Variants in CCDC60 observed in about 807,000 individuals in gnomAD.
CCDC60 encodes the protein coiled-coil domain containing 60, also known as coiled-coil domain-containing protein 60.
In CCDC60, 54 loss-of-function variants were observed where a neutral mutation model predicts 63.5. That is an observed-to-expected ratio of 0.85 (90% CI 0.68 to 1.07). CCDC60 has a LOEUF of 1.07. Among genes scored for constraint, CCDC60 ranks in the 50% least tolerant of loss-of-function variants. CCDC60 has a pLI of 0.00. For synonymous variants in CCDC60, 206 were observed against 238.8 expected (o/e 0.86, Z 1.27); for missense variants, 651 against 684.3 (o/e 0.95, Z 0.54).
rs1372534969 is a variant in CCDC60 at position 119,418,416 on chromosome 12, T to C, written c.91-10267T>C. Among the ~76,000 whole-genome samples, 4 of 65,932 alleles carry C rather than the reference T, an allele frequency of 6.1e-5. 1 individual carries two copies. The highest frequency in any genetic ancestry group is 1.6e-4 in the African/African-American group (2 of 12,682). 43.3% of individuals were successfully genotyped at this position (65,932 alleles called of 152,430 possible). A position where few individuals can be genotyped will look rare whatever the true frequency, so the allele number is the denominator to read the frequency against. On this transcript the variant is annotated intron_variant, in intron 1 of 13. Transcript: ENST00000327554. ...TTTTTTTTTTTTTTTTTTTTTTTTT[T>C]TTTTTTTTTTTTTTTTGAGATGGGG...
At chr12:119,399,734 T>C (rs929445810) in intron 1 of CCDC60, among the ~76,000 whole-genome samples, 3 of 152,154 alleles carry the variant, frequency 2.0e-5, no homozygotes, top group African/African-American at 7.2e-5. Context: ...ACCTCAGCCC[T>C]CCCACATCGC....
At chr12:119,407,475 C>T (rs1354914945) in intron 1 of CCDC60, among the ~76,000 whole-genome samples, 3 of 152,090 alleles carry the variant, frequency 2.0e-5, no homozygotes, top group Admixed American at 6.5e-5. Flanking sequence ...GAGACTGCAG[C>T]GAGCTATGAT....
At chr12:119,488,252 G>A (rs1220358429) in intron 4 of CCDC60, among the ~76,000 whole-genome samples, 2 of 152,144 alleles carry the variant, frequency 1.3e-5, no homozygotes, top group African/African-American at 4.8e-5. Flanking sequence ...TTAATCTGGG[G>A]GGAGAAGAAC....
intron 6 of CCDC60, among the ~76,000 whole-genome samples, chr12:119,501,725 T>C (rs889034882): frequency 3.3e-5 from 5 of 152,094 alleles, no homozygotes; most frequent in African/African-American, 1.2e-4. Flanking sequence ...TTAAAAAAAG[T>C]CCTTCAGGGA....
chr12:119,386,560 G>A (rs564855844), intron 1 of CCDC60, among the ~76,000 whole-genome samples: 5 of 152,030 alleles, frequency 3.3e-5, no homozygotes, highest in Middle Eastern at 3.4e-3. Context: ...GCCATGGTGC[G>A]GTCGCACCAA....
chr12:119,495,431 A>C (rs1356905246), intron 5 of CCDC60, among the ~76,000 whole-genome samples: 1 of 152,176 alleles, frequency 6.6e-6, no homozygotes, highest in Non-Finnish European at 1.5e-5. Context: ...CATTTTGCAC[A>C]TACTGTTTTG....
At position 119,456,233 on chromosome 12, in the gene CCDC60, A is replaced by G. The variant is rs1332235786; in HGVS notation, c.171-15761A>G. Among the ~76,000 whole-genome samples, 2 of 152,156 alleles carry G rather than the reference A, an allele frequency of 1.3e-5. No homozygotes were observed. The highest frequency in any genetic ancestry group is 1.3e-4 in the Admixed American group (2 of 15,278). On this transcript the variant is annotated intron_variant, in intron 2 of 13. Coordinates refer to ENST00000327554, the MANE Select transcript of CCDC60 (RefSeq NM_178499.5). The surrounding 1 kb of genome is among the most constrained non-coding windows in gnomAD (Gnocchi z 4.6). Reference sequence around the variant, plus strand: ...CCATTAGAGGATTTTGAGCATTAAGATAGGAATGATGAGATTTGCCTTTTC... The same window carrying G: ...CCATTAGAGGATTTTGAGCATTAAGGTAGGAATGATGAGATTTGCCTTTTC...
intron 1 of CCDC60, among the ~76,000 whole-genome samples, chr12:119,427,399 C>T (rs1956921244): frequency 6.6e-6 from 1 of 152,216 alleles, no homozygotes; most frequent in Admixed American, 6.5e-5. Flanking sequence ...CATTATGTTG[C>T]CGTTATACTT....
At position 119,428,675 on chromosome 12, in the gene CCDC60, C is replaced by T. The variant is rs775227374; in HGVS notation, c.91-8C>T. On this transcript the variant is annotated splice_region_variant and splice_polypyrimidine_tract_variant and intron_variant, in intron 1 of 13. Coordinates refer to ENST00000327554, the MANE Select transcript of CCDC60 (RefSeq NM_178499.5). ...TCCTTTTATTTTAACCCCTTGTCTT[C>T]TCATCAGGTCCCAGACAAGCCAATG... is the stretch of plus-strand genomic sequence containing the variant. 6.3e-7 allele frequency: 1 copy of T among 1,578,794 alleles called. No homozygotes were observed. Among genetic ancestry groups the T allele is most frequent in the Non-Finnish European group, 8.7e-7 (1 of 1,152,980 alleles).
chr12:119,507,597 TATATA>T (rs1566050655), intron 7 of CCDC60, among the ~76,000 whole-genome samples: 2 of 20,386 alleles, frequency 9.8e-5, no homozygotes, highest in African/African-American at 4.1e-4. Flanking sequence ...TATACATATA[TATATA>T]TATATATATA....
intron 2 of CCDC60, among the ~76,000 whole-genome samples, chr12:119,442,472 C>T (rs1183015523): frequency 1.3e-5 from 2 of 152,118 alleles, no homozygotes; most frequent in African/African-American, 2.4e-5. Flanking sequence ...ATATAACAAA[C>T]TCCTATGCAC....
At chr12:119,414,803 C>T (rs1463702976) in intron 1 of CCDC60, among the ~76,000 whole-genome samples, 1 of 152,178 alleles carries the variant, frequency 6.6e-6, no homozygotes, top group Non-Finnish European at 1.5e-5. Flanking sequence ...CCATCTTGCC[C>T]TCCCAAAGTT....
chr12:119,452,046 G>T (rs1950643581), intron 2 of CCDC60, among the ~76,000 whole-genome samples: 1 of 152,206 alleles, frequency 6.6e-6, no homozygotes, highest in African/African-American at 2.4e-5. Flanking sequence ...GTGGAAGAAT[G>T]AGTATAATAT....
chr12:119,519,855 A>AGTGTGT (rs903078634), intron 8 of CCDC60, among the ~76,000 whole-genome samples: 5 of 127,034 alleles, frequency 3.9e-5, no homozygotes, highest in African/African-American at 8.9e-5. Flanking sequence ...AGAGAGAGAG[A>AGTGTGT]GTGTGTGTGT....
chr12:119,539,384 C>T (rs1593236372), intron 13 of CCDC60, among the ~76,000 whole-genome samples: 1 of 152,222 alleles, frequency 6.6e-6, no homozygotes, highest in Non-Finnish European at 1.5e-5. Context: ...CAGAGATGCC[C>T]TGCCCAGAAA....
At chr12:119,515,203 G>A (rs981021080) in intron 7 of CCDC60, among the ~76,000 whole-genome samples, 2 of 152,194 alleles carry the variant, frequency 1.3e-5, no homozygotes, top group African/African-American at 4.8e-5. Context: ...TTCCAAATAA[G>A]GTCATCGACT....
intron 1 of CCDC60, among the ~76,000 whole-genome samples, chr12:119,361,123 G>A (rs1329951530): frequency 2.0e-5 from 3 of 148,812 alleles, no homozygotes; most frequent in East Asian, 2.1e-4. Flanking sequence ...GAGGGAGACC[G>A]TGGAAAGAGA....
At chr12:119,446,637 A>C (rs1029725272) in intron 2 of CCDC60, among the ~76,000 whole-genome samples, 2 of 152,202 alleles carry the variant, frequency 1.3e-5, no homozygotes, top group African/African-American at 4.8e-5. Context: ...AGAGAGAATG[A>C]ATCACAGGCC....
Position 119,492,393 on chromosome 12 carries a change from A to G in CCDC60, c.557+3527A>G, listed in dbSNP as rs545573513. Among the ~76,000 whole-genome samples the G allele has an allele frequency of 9.9e-4, 151 of 152,320 alleles. 2 individuals carry two copies. In the South Asian group the frequency reaches 0.029, roughly 29 times the overall value. ...ACAGAATCCGTTCTTATGAGCCACTATGAGCCAGCTCCAGCACACCACTGT... is the reference window on the plus strand; with the variant it reads ...ACAGAATCCGTTCTTATGAGCCACTGTGAGCCAGCTCCAGCACACCACTGT... On this transcript the variant is annotated intron_variant, in intron 5 of 13. Coordinates refer to ENST00000327554, the MANE Select transcript of CCDC60 (RefSeq NM_178499.5).
Sources: allele counts gnomAD v4.1 joint callset (sites outside exome capture counted in the v4.1 genomes callset), GRCh38; gene constraint gnomAD v4.1.1; non-coding constraint Gnocchi (gnomAD v3.1); transcripts MANE v1.5; gene names NCBI Gene and HGNC (gene_info 2026-07-23, HGNC 2026-07-21).